NKAIN3: variants seen among roughly 807,000 people sequenced by gnomAD.
NKAIN3 encodes the protein sodium/potassium-transporting ATPase subunit beta-1-interacting protein 3.
In NKAIN3, 25 loss-of-function variants were observed where a neutral mutation model predicts 30.2. The ratio of observed to expected loss-of-function variants is 0.83; its 90% CI spans 0.60 to 1.16. The LOEUF is 1.16. NKAIN3 is among the 50% of genes most tolerant of loss of function. The pLI is 0.00. For missense variants in NKAIN3, 225 were observed against 254.1 expected (o/e 0.89, Z 0.78); for synonymous variants, 91 against 89.6 (o/e 1.02, Z -0.09).
At chr8:62,656,334 A>G (rs17840589) in intron 3 of NKAIN3, among the ~76,000 whole-genome samples, 6,887 of 152,262 alleles carry the variant, frequency 0.045, 269 homozygotes, top group African/African-American at 0.11. Flanking sequence ...GTTACTTCAT[A>G]CATCAGGAAA....
At chr8:62,930,133 G>A (rs1822572199) in intron 5 of NKAIN3, among the ~76,000 whole-genome samples, 1 of 152,174 alleles carries the variant, frequency 6.6e-6, no homozygotes, top group South Asian at 2.1e-4. Flanking sequence ...AGTGTTGTGC[G>A]ACCATCACTA....
intron 1 of NKAIN3, among the ~76,000 whole-genome samples, chr8:62,280,586 G>C (rs1053313076): frequency 3.3e-5 from 5 of 152,068 alleles, no homozygotes; most frequent in Non-Finnish European, 7.4e-5. Context: ...TAGCATGAAG[G>C]GCTATTGAAT....
At chr8:62,777,175 T>C (rs562701691) in intron 4 of NKAIN3, among the ~76,000 whole-genome samples, 49 of 152,270 alleles carry the variant, frequency 3.2e-4, no homozygotes, top group African/African-American at 1.1e-3. Context: ...TTGAGGAGCC[T>C]TCTTTAGGTT....
intron 1 of NKAIN3, among the ~76,000 whole-genome samples, chr8:62,442,531 A>G (rs1805358289): frequency 1.3e-5 from 2 of 151,972 alleles, no homozygotes; most frequent in African/African-American, 4.8e-5. Context: ...AGTATTTTCA[A>G]ATAATCAATT....
intron 5 of NKAIN3, among the ~76,000 whole-genome samples, chr8:62,929,882 T>C (rs931598909): frequency 2.6e-5 from 4 of 152,302 alleles, no homozygotes; most frequent in East Asian, 3.9e-4. Context: ...CTATCATTAG[T>C]GTTAGCTTAT....
chr8:62,297,298 C>T (rs1813863805), intron 1 of NKAIN3, among the ~76,000 whole-genome samples: 1 of 152,134 alleles, frequency 6.6e-6, no homozygotes, highest in Admixed American at 6.6e-5. Flanking sequence ...AAAGCAACGG[C>T]AACAAAAGCC....
chr8:62,958,214 A>G (rs1423178925), intron 6 of NKAIN3, among the ~76,000 whole-genome samples: 2 of 151,920 alleles, frequency 1.3e-5, no homozygotes, highest in South Asian at 4.2e-4. Flanking sequence ...TAAGCAGAGC[A>G]GGTGTCTTGA....
Position 62,812,762 on chromosome 8 carries a change from A to G in NKAIN3, c.471+65633A>G, listed in dbSNP as rs757038373. Among the ~76,000 whole-genome samples, 6 of 151,912 alleles carry G rather than the reference A, an allele frequency of 3.9e-5. No homozygotes were observed. The South Asian group carries it at 6.2e-4, about 16-fold the overall frequency. The stretch of plus-strand genomic sequence containing the variant: ...ACATTTCTTAATGAAGACTAAATTT[A>G]TTCAATGCTATTTTCCTCCCTGAAT... On this transcript the variant is annotated intron_variant, in intron 4 of 6. Transcript: ENST00000623646.
intron 3 of NKAIN3, among the ~76,000 whole-genome samples, chr8:62,596,699 A>G (rs895535149): frequency 1.3e-5 from 2 of 152,030 alleles, no homozygotes; most frequent in South Asian, 4.2e-4. Context: ...ACCACTGCAT[A>G]CCCCACTTTT....
At chr8:62,735,366 CTTTCTTTCTTTCTTTTTTT>C (rs1815619169) in intron 3 of NKAIN3, among the ~76,000 whole-genome samples, 1 of 132,666 alleles carries the variant, frequency 7.5e-6, no homozygotes. Context: ...TTCTTTCTTT[CTTTCTTTCTTTCTTTTTTT>C]TTTTTTTTTG....
At position 62,799,015 on chromosome 8, in the gene NKAIN3, G is replaced by A. The variant is rs980998245; in HGVS notation, c.471+51886G>A. Among the ~76,000 whole-genome samples the A allele has an allele frequency of 2.0e-5, 3 of 152,144 alleles. No homozygotes were observed. In the East Asian group the frequency reaches 5.8e-4, roughly 29 times the overall value. On this transcript the variant is annotated intron_variant, in intron 4 of 6. Transcript: ENST00000623646. ...ACCAAGGTGTCCATCAAAGGGGGTT[G>A]AAGATCAAATAGCACATGAGGGCCT...
chr8:62,532,224 G>A (rs901200762), intron 1 of NKAIN3, among the ~76,000 whole-genome samples: 7 of 152,100 alleles, frequency 4.6e-5, no homozygotes, highest in Admixed American at 3.9e-4. Flanking sequence ...ACACTGATAA[G>A]GACTGTTATC....
At chr8:62,563,201 T>C (rs945427871) in intron 1 of NKAIN3, among the ~76,000 whole-genome samples, 2 of 152,136 alleles carry the variant, frequency 1.3e-5, no homozygotes, top group African/African-American at 4.8e-5. Flanking sequence ...GGACTATAAC[T>C]GCATTTTTTA....
chr8:62,331,068 T>C (rs1199831438), intron 1 of NKAIN3, among the ~76,000 whole-genome samples: 9 of 147,864 alleles, frequency 6.1e-5, no homozygotes, highest in Admixed American at 6.0e-4. Context: ...TCCTCCTCTC[T>C]CTCTCTCTCT....
intron 1 of NKAIN3, among the ~76,000 whole-genome samples, chr8:62,476,706 C>T (rs1184471609): frequency 6.6e-6 from 1 of 152,154 alleles, no homozygotes; most frequent in Non-Finnish European, 1.5e-5. Flanking sequence ...CCTCCCGCCT[C>T]TGCCTCCCAA....
chr8:62,414,524 G>A (rs560760579), intron 1 of NKAIN3, among the ~76,000 whole-genome samples: 9 of 152,248 alleles, frequency 5.9e-5, no homozygotes, highest in Middle Eastern at 3.4e-3. Flanking sequence ...CGTTAATGCC[G>A]AAGATCTGAT....
At chr8:62,343,002 G>A (rs966741007) in intron 1 of NKAIN3, among the ~76,000 whole-genome samples, 8 of 152,028 alleles carry the variant, frequency 5.3e-5, no homozygotes, top group African/African-American at 1.9e-4. Flanking sequence ...GAAAATACAA[G>A]TATGGGATAT....
intron 1 of NKAIN3, among the ~76,000 whole-genome samples, chr8:62,363,541 G>A (rs530069818): frequency 6.6e-6 from 1 of 152,238 alleles, no homozygotes; most frequent in African/African-American, 2.4e-5. Flanking sequence ...CATCAAATGA[G>A]TGTGTCATCA....
rs146146499 is a variant in NKAIN3, at chr8:62,796,175, A to G, written c.471+49046A>G. On this transcript the variant is annotated intron_variant, in intron 4 of 6. Transcript: ENST00000623646. ...GAGACAGGTGGATCACTTGAGGCCA[A>G]GAGTTCGAAACCAAACTGGCCAACA... is the stretch of plus-strand genomic sequence containing the variant. Among the ~76,000 whole-genome samples, 78 of 151,976 alleles carry G rather than the reference A, an allele frequency of 5.1e-4. No homozygotes were observed. In the East Asian group the frequency reaches 0.015, roughly 29 times the overall value.
Sources: allele counts gnomAD v4.1 joint callset (sites outside exome capture counted in the v4.1 genomes callset), GRCh38; gene constraint gnomAD v4.1.1; transcripts MANE v1.5; gene names NCBI Gene and HGNC (gene_info 2026-07-23, HGNC 2026-07-21).